CACHD1: variants seen among roughly 807,000 people sequenced by gnomAD.
The protein encoded by CACHD1 is VWFA and cache domain-containing protein 1.
In CACHD1, 71 loss-of-function variants were observed where a neutral mutation model predicts 138.7. The observed-to-expected ratio is 0.51, with a 90% CI of 0.42 to 0.62. The LOEUF (loss-of-function observed/expected upper bound fraction) is 0.62. CACHD1 is among the 20% of genes least tolerant of loss of function. The pLI, the probability that CACHD1 is intolerant of heterozygous loss-of-function variation, is 0.00. For missense variants in CACHD1, 1,389 were observed against 1,625.3 expected (o/e 0.85, Z 2.50); for synonymous variants, 578 against 591.5 (o/e 0.98, Z 0.33).
chr1:64,503,551 G>A (rs753354074), intron 1 of CACHD1, among the ~76,000 whole-genome samples: 114 of 152,046 alleles, frequency 7.5e-4, no homozygotes, highest in Admixed American at 4.4e-3. Flanking sequence ...CTACTTTTTC[G>A]GTCAACATTT....
intron 16 of CACHD1, among the ~76,000 whole-genome samples, chr1:64,669,028 C>T (rs1376466063): frequency 6.6e-6 from 1 of 152,132 alleles, no homozygotes; most frequent in Non-Finnish European, 1.5e-5. Context: ...ACCTTTGTTT[C>T]CCCACTTAGG....
rs1456317767 is a variant in CACHD1 at position 64,673,385 on chromosome 1, A to G, written c.2648A>G (p.Asn883Ser). The G allele has an allele frequency of 6.2e-7, 1 of 1,614,080 alleles. No individual in the cohort carries two copies. Among genetic ancestry groups the G allele is most frequent in the South Asian group, 1.1e-5 (1 of 91,072 alleles). ...LVANDILNHP[N>S]FVKKNLCNSF... Reference sequence around the variant, plus strand: ...GCAAATGATATCCTCAACCACCCCAACTTTGTAAAGAAAAACCTGTGCAAC... The same window carrying G: ...GCAAATGATATCCTCAACCACCCCAGCTTTGTAAAGAAAAACCTGTGCAAC... Residue 883 changes from asparagine (N) to serine (S), a missense_variant, in exon 19 of 27, where the codon AAC becomes AGC. Physicochemically the swap from Asn to Ser is conservative, Grantham distance 46. Transcript: ENST00000651257.
At chr1:64,634,018 G>GTTTTTT in intron 6 of CACHD1, 26 bp from the exon 7 acceptor site, 3 of 1,204,898 alleles carry the variant, frequency 2.5e-6, no homozygotes, top group African/African-American at 1.6e-5. Context: ...AAGTTTGGTG[G>GTTTTTT]TTTTTTTTTT....
chr1:64,664,827 T>G (rs1442527020), intron 15 of CACHD1, 148 bp downstream of exon 15: 1 of 648,766 alleles, frequency 1.5e-6, no homozygotes, highest in Non-Finnish European at 2.5e-6. Flanking sequence ...GTTTTTTCAG[T>G]GCAGCATTAA....
At chr1:64,513,353 T>A (rs1646436069) in intron 1 of CACHD1, among the ~76,000 whole-genome samples, 2 of 152,156 alleles carry the variant, frequency 1.3e-5, no homozygotes, top group African/African-American at 4.8e-5. Context: ...GAAATACTGT[T>A]CTAAGGTGAA....
chr1:64,680,339 A>G (rs1328041008), intron 24 of CACHD1, among the ~76,000 whole-genome samples: 2 of 152,060 alleles, frequency 1.3e-5, no homozygotes, highest in Non-Finnish European at 2.9e-5. Context: ...AAATACAAAA[A>G]CTAGCCGGTG....
intron 1 of CACHD1, among the ~76,000 whole-genome samples, chr1:64,529,503 T>A (rs1005848729): frequency 1.3e-5 from 2 of 152,250 alleles, no homozygotes; most frequent in Non-Finnish European, 2.9e-5. Context: ...AATCATCATC[T>A]TCTTCTAGTC....
chr1:64,619,051 T>C (rs1359671219), intron 4 of CACHD1, among the ~76,000 whole-genome samples: 1 of 152,036 alleles, frequency 6.6e-6, no homozygotes, highest in Non-Finnish European at 1.5e-5. Context: ...TTCCCATAGA[T>C]GAGGTGGTTT....
intron 2 of CACHD1, among the ~76,000 whole-genome samples, chr1:64,555,561 C>T (rs1311216522): frequency 6.6e-6 from 1 of 152,152 alleles, no homozygotes; most frequent in Non-Finnish European, 1.5e-5. Flanking sequence ...GCCGGGACTA[C>T]AGGAGTCCAC....
chr1:64,475,171 C>CTTTTTTTTTTTTTTTTTT (rs3078373), intron 1 of CACHD1, among the ~76,000 whole-genome samples: 1 of 124,286 alleles, frequency 8.0e-6, no homozygotes, highest in East Asian at 2.5e-4. Context: ...AAATTCCTTC[C>CTTTTTTTTTTTTTTTTTT]TTTTTTTTTT....
rs1647019104 is a variant in CACHD1, at chr1:64,582,256, C to T, written c.362C>T (p.Pro121Leu). The T allele has an allele frequency of 6.2e-7, 1 of 1,613,878 alleles. No individual in the cohort carries two copies. The highest frequency in any genetic ancestry group is 1.7e-5 in the Admixed American group (1 of 59,992). ...TCCTATACGGCTCACCTAACCTCTC[C>T]CCTAACTGCAATTCAAGACTGCTGT... is the stretch of plus-strand genomic sequence containing the variant. ...EASYTAHLTS[P>L]LTAIQDCCTI... The change falls in exon 3 of 27, where the codon CCC becomes CTC. Residue 121 changes from proline to leucine, a missense_variant. Pro to Leu is a moderately conservative substitution (Grantham distance 98). Transcript: ENST00000651257.
intron 13 of CACHD1, among the ~76,000 whole-genome samples, chr1:64,663,206 G>A (rs996428754): frequency 2.7e-5 from 4 of 150,254 alleles, no homozygotes; most frequent in Non-Finnish European, 5.9e-5. Flanking sequence ...TGTCTTTACT[G>A]GTTCATTCTT....
At chr1:64,650,297 A>G (rs1034001605) in intron 9 of CACHD1, among the ~76,000 whole-genome samples, 2 of 152,086 alleles carry the variant, frequency 1.3e-5, no homozygotes, top group East Asian at 3.9e-4. Context: ...TACTTTACTG[A>G]TCTATGAAAA....
At chr1:64,686,397 C>G (rs1650372397) in intron 26 of CACHD1, among the ~76,000 whole-genome samples, 1 of 151,982 alleles carries the variant, frequency 6.6e-6, no homozygotes, top group Non-Finnish European at 1.5e-5. Flanking sequence ...TTTATGTGGC[C>G]AACAGAATTT....
rs540979335 is a variant in CACHD1 at position 64,513,040 on chromosome 1, A to G, written c.199-37554A>G. Among the ~76,000 whole-genome samples the G allele has an allele frequency of 1.1e-3, 163 of 152,256 alleles. 1 individual carries two copies. Among genetic ancestry groups the G allele is most frequent in the African/African-American group, 3.8e-3 (159 of 41,538 alleles). On this transcript the variant is annotated intron_variant, in intron 1 of 26. Coordinates refer to ENST00000651257, the MANE Select transcript of CACHD1 (RefSeq NM_020925.4). The stretch of plus-strand genomic sequence containing the variant: ...CTGACAGCCTGCCACCAGAGTCCAA[A>G]TCTTTATTCTGTTGCAAGCTGGGTT...
chr1:64,535,404 C>A (rs1646624480), intron 1 of CACHD1, among the ~76,000 whole-genome samples: 1 of 151,224 alleles, frequency 6.6e-6, no homozygotes, highest in Non-Finnish European at 1.5e-5. Context: ...TGGCTCACTG[C>A]AACCTCTGCC....
At chr1:64,606,391 G>A (rs78116022) in intron 4 of CACHD1, among the ~76,000 whole-genome samples, 8,682 of 152,212 alleles carry the variant, frequency 0.057, 279 homozygotes, top group Middle Eastern at 0.082. Flanking sequence ...CTTGAATTGA[G>A]TGACTGTTTG....
At chr1:64,544,408 C>A (rs1475107291) in intron 1 of CACHD1, among the ~76,000 whole-genome samples, 1 of 152,144 alleles carries the variant, frequency 6.6e-6, no homozygotes, top group Non-Finnish European at 1.5e-5. Flanking sequence ...TTATTAAACA[C>A]ACATGTAATT....
At chr1:64,578,302 T>A (rs1309161463) in intron 2 of CACHD1, among the ~76,000 whole-genome samples, 3 of 152,208 alleles carry the variant, frequency 2.0e-5, no homozygotes, top group Non-Finnish European at 4.4e-5. Context: ...AAGGTCCTGG[T>A]AGCTATTAAA....
Sources: allele counts gnomAD v4.1 joint callset (sites outside exome capture counted in the v4.1 genomes callset), GRCh38; gene constraint gnomAD v4.1.1; transcripts MANE v1.5; gene names NCBI Gene and HGNC (gene_info 2026-07-23, HGNC 2026-07-21).